Variants in FER observed in about 807,000 individuals in gnomAD.
FER encodes FER tyrosine kinase, also known as tyrosine-protein kinase Fer.
FER carries 63 observed loss-of-function variants against 111.0 expected under a neutral mutation model. That is an observed-to-expected ratio of 0.57 (90% CI 0.46 to 0.70). The LOEUF is 0.70. Among genes scored for constraint, FER ranks in the 30% least tolerant of loss-of-function variants. FER has a pLI of 0.00. For missense variants in FER, 914 were observed against 954.0 expected, an observed-to-expected ratio of 0.96 and a Z score of 0.55; for synonymous variants, 327 against 313.9, an observed-to-expected ratio of 1.04 and a Z score of -0.44.
At chr5:108,867,144 A>G (rs776706322) in intron 5 of FER, among the ~76,000 whole-genome samples, 4 of 152,132 alleles carry the variant, frequency 2.6e-5, no homozygotes, top group Admixed American at 6.6e-5. Flanking sequence ...ACAAGGCTCT[A>G]TTTCAAGGAC....
At chr5:109,105,436 T>C (rs961498169) in intron 17 of FER, among the ~76,000 whole-genome samples, 1 of 152,168 alleles carries the variant, frequency 6.6e-6, no homozygotes, top group Admixed American at 6.5e-5. Context: ...ACTGAAAAAG[T>C]ATTTTGTCCT....
chr5:109,134,010 TC>T (rs1752633484), intron 17 of FER, among the ~76,000 whole-genome samples: 1 of 151,942 alleles, frequency 6.6e-6, no homozygotes, highest in Non-Finnish European at 1.5e-5. Context: ...TTTTCTCTCT[TC>T]CTAAGTTGTG....
chr5:109,064,615 G>C (rs549104290), intron 16 of FER, among the ~76,000 whole-genome samples: 1 of 152,078 alleles, frequency 6.6e-6, no homozygotes, highest in Non-Finnish European at 1.5e-5. Flanking sequence ...GTATGTCTGA[G>C]TAGTATTACT....
intron 5 of FER, among the ~76,000 whole-genome samples, chr5:108,861,862 C>T (rs565992961): frequency 3.9e-5 from 6 of 152,088 alleles, no homozygotes; most frequent in Non-Finnish European, 7.4e-5. Context: ...TCCTGTATAG[C>T]ACCCTAAACA....
In FER at chr5:109,188,523, G is replaced by C. The variant is rs1232380012; in HGVS notation, c.*948G>C. ...GAACAGGAGGGTGGGCTGGAGAACA[G>C]AGCAGCTAAAGAATGATTAACAGAG... On this transcript the variant is annotated 3_prime_UTR_variant, in exon 20 of 20. Transcript: ENST00000281092. 3 of 152,036 alleles carry C rather than the reference G, an allele frequency of 2.0e-5. No homozygotes were observed. Among genetic ancestry groups the C allele is most frequent in the Non-Finnish European group, 4.4e-5 (3 of 68,002 alleles). 9.4% of individuals were successfully genotyped at this position (152,036 alleles called of 1,614,324 possible).
At chr5:108,888,052 C>T (rs916465553) in intron 9 of FER, among the ~76,000 whole-genome samples, 12 of 151,804 alleles carry the variant, frequency 7.9e-5, no homozygotes, top group African/African-American at 2.9e-4. Flanking sequence ...TTGATTTAGC[C>T]TCACTGCCTT....
chr5:108,980,300 AG>A (rs2149719677), intron 13 of FER, among the ~76,000 whole-genome samples: 1 of 152,272 alleles, frequency 6.6e-6, no homozygotes, highest in South Asian at 2.1e-4. Context: ...AGAGTAAAAA[AG>A]CAAGAAGCAT....
At chr5:108,781,084 T>C (rs1461776013) in intron 2 of FER, among the ~76,000 whole-genome samples, 3 of 152,242 alleles carry the variant, frequency 2.0e-5, no homozygotes. Flanking sequence ...ATTAGAACCC[T>C]TAGCATATTA....
At chr5:108,828,350 A>G (rs543386966) in intron 3 of FER, among the ~76,000 whole-genome samples, 3 of 152,336 alleles carry the variant, frequency 2.0e-5, no homozygotes, top group Admixed American at 2.0e-4. Context: ...TCAAATTTAT[A>G]CTTCTTGATA....
Position 108,954,881 on chromosome 5 carries a change from T to G in FER, c.1482T>G (p.Leu494=). The part of the protein sequence containing the change: ...ESHGKPGEYV[L]SVYSDGQRRH... ...ATGGGAAACCTGGTGAATATGTCCTTTCTGTATATTCTGATGGACAGAGGA... is the reference window on the plus strand; with the variant it reads ...ATGGGAAACCTGGTGAATATGTCCTGTCTGTATATTCTGATGGACAGAGGA... The change falls in exon 12 of 20, where the codon CTT becomes CTG. Residue 494 remains leucine, a synonymous_variant. Coordinates refer to ENST00000281092, the MANE Select transcript of FER (RefSeq NM_005246.4). 6.2e-7 allele frequency: 1 copy of G among 1,611,238 alleles called. No individual in the cohort carries two copies. Among genetic ancestry groups the G allele is most frequent in the Non-Finnish European group, 8.5e-7 (1 of 1,178,876 alleles).
rs1766013178 is a variant in FER, at chr5:109,009,843, CT to C, written c.1657-27575del. Among the ~76,000 whole-genome samples, 5 of 152,160 alleles carry C rather than the reference CT, an allele frequency of 3.3e-5. No homozygotes were observed. The South Asian group carries it at 1.0e-3, about 32-fold the overall frequency. ...AGTTGAGACAGCTGAAATGGCTAGT[CT>C]TTTAAGCCCAGGTTTAACAGTGTCA... is the stretch of plus-strand genomic sequence containing the variant. On this transcript the variant is annotated intron_variant, in intron 13 of 19. Transcript: ENST00000281092.
intron 13 of FER, among the ~76,000 whole-genome samples, chr5:108,983,148 A>G (rs1374983558): frequency 6.6e-6 from 1 of 152,060 alleles, no homozygotes; most frequent in Non-Finnish European, 1.5e-5. Flanking sequence ...AGATGCTATG[A>G]CAATATGGAA....
At chr5:109,073,590 T>A (rs1197984065) in intron 16 of FER, among the ~76,000 whole-genome samples, 1 of 152,196 alleles carries the variant, frequency 6.6e-6, no homozygotes, top group African/African-American at 2.4e-5. Flanking sequence ...GTAAAGAGTT[T>A]GTGAATTTAA....
chr5:108,992,025 C>T (rs1177889326), intron 13 of FER, among the ~76,000 whole-genome samples: 1 of 152,096 alleles, frequency 6.6e-6, no homozygotes, highest in Non-Finnish European at 1.5e-5. Flanking sequence ...ACCCTGCGGC[C>T]TTCCGCAGTG....
At chr5:109,130,016 A>G (rs920301842) in intron 17 of FER, among the ~76,000 whole-genome samples, 1 of 139,550 alleles carries the variant, frequency 7.2e-6, no homozygotes, top group Non-Finnish European at 1.6e-5. Flanking sequence ...TCATATTTAT[A>G]CATGAATAGT....
intron 2 of FER, among the ~76,000 whole-genome samples, chr5:108,783,329 G>T (rs1754311920): frequency 6.6e-6 from 1 of 151,930 alleles, no homozygotes; most frequent in East Asian, 1.9e-4. Context: ...TTATTTCCTT[G>T]CTTTGATCTT....
chr5:109,153,934 G>A (rs1354495171), intron 17 of FER, among the ~76,000 whole-genome samples: 2 of 151,790 alleles, frequency 1.3e-5, no homozygotes, highest in African/African-American at 4.8e-5. Flanking sequence ...CAGTTTGCCT[G>A]GAAACACAGA....
At chr5:108,901,439 A>G (rs570069906) in intron 10 of FER, among the ~76,000 whole-genome samples, 5 of 152,096 alleles carry the variant, frequency 3.3e-5, no homozygotes, top group African/African-American at 9.6e-5. Context: ...CTTTGAGGAG[A>G]TAGGTTGTTA....
At chr5:109,169,780 A>C (rs1756916423) in intron 17 of FER, among the ~76,000 whole-genome samples, 1 of 152,198 alleles carries the variant, frequency 6.6e-6, no homozygotes, top group Non-Finnish European at 1.5e-5. Flanking sequence ...TAGGAGTCAG[A>C]AAACCAGAGG....
Sources: allele counts gnomAD v4.1 joint callset (sites outside exome capture counted in the v4.1 genomes callset), GRCh38; gene constraint gnomAD v4.1.1; transcripts MANE v1.5; gene names NCBI Gene and HGNC (gene_info 2026-07-23, HGNC 2026-07-21).